The following DTNBP1 variants were observed in gnomAD, a reference collection of about 807,000 sequenced individuals.
DTNBP1 encodes the protein dystrobrevin binding protein 1.
A neutral mutation model predicts 42.8 loss-of-function variants in DTNBP1; 35 were observed. That is an observed-to-expected ratio of 0.82 (90% CI 0.63 to 1.09). The LOEUF is 1.09. DTNBP1 is among the 50% of genes least tolerant of loss of function. The probability of loss-of-function intolerance (pLI) is 0.00; values close to 1 mark genes in which losing one functional copy is unlikely to be tolerated. For missense variants in DTNBP1, 457 were observed against 424.2 expected, an observed-to-expected ratio of 1.08 and a Z score of -0.68; for synonymous variants, 171 against 162.2, an observed-to-expected ratio of 1.05 and a Z score of -0.41.
chr6:15,654,665 G>GC (rs1761185638), intron 1 of DTNBP1, among the ~76,000 whole-genome samples: 1 of 151,508 alleles, frequency 6.6e-6, no homozygotes, highest in South Asian at 2.1e-4. Context: ...AAATGAAAGG[G>GC]AAAAAAGGAG....
At chr6:15,606,037 T>A (rs2113670413) in intron 6 of DTNBP1, among the ~76,000 whole-genome samples, 1 of 152,384 alleles carries the variant, frequency 6.6e-6, no homozygotes, top group East Asian at 1.9e-4. Context: ...GGCACTTTTC[T>A]CAGATAACTA....
At chr6:15,657,699 T>C (rs951256667) in intron 1 of DTNBP1, among the ~76,000 whole-genome samples, 8 of 152,258 alleles carry the variant, frequency 5.3e-5, no homozygotes, top group African/African-American at 1.9e-4. Context: ...AGGATCTTAC[T>C]TGCTATCTGG....
Position 15,523,742 on chromosome 6 carries a change from G to A in DTNBP1, c.812-523C>T, listed in dbSNP as rs185310409. On this transcript the variant is annotated intron_variant, in intron 9 of 9. Transcript: ENST00000344537. The stretch of plus-strand genomic sequence containing the variant: ...CCCCTGACTCTGGGTGAGGGTTCAC[G>A]CTGGTCTCCAGTATTCTGGCCTTCT... 1.2e-5 allele frequency: 16 copies of A among 1,287,198 alleles called. No homozygotes were observed. In the Admixed American group the frequency reaches 1.8e-4, roughly 15 times the overall value. 79.7% of individuals were successfully genotyped at this position (1,287,198 alleles called of 1,614,324 possible).
chr6:15,592,365 A>G lies in DTNBP1; in HGVS notation c.511+694T>C, dbSNP rs536065279. Among the ~76,000 whole-genome samples the G allele has an allele frequency of 2.4e-3, 373 of 152,334 alleles. 2 individuals carry two copies. Among genetic ancestry groups the G allele is most frequent in the African/African-American group, 8.5e-3 (354 of 41,566 alleles). The stretch of plus-strand genomic sequence containing the variant: ...TAGGATTTCTACTACTTAATTGCTC[A>G]TGAGTAATTAATTGAAAAATGGGAA... On this transcript the variant is annotated intron_variant, in intron 7 of 9. Transcript: ENST00000344537.
chr6:15,556,556 A>C (rs775053712), intron 7 of DTNBP1, among the ~76,000 whole-genome samples: 1 of 152,208 alleles, frequency 6.6e-6, no homozygotes, highest in Non-Finnish European at 1.5e-5. Context: ...GTACAGAAGC[A>C]CATGGGACAT....
At chr6:15,639,218 T>C (rs1169051361) in intron 3 of DTNBP1, among the ~76,000 whole-genome samples, 1 of 152,242 alleles carries the variant, frequency 6.6e-6, no homozygotes, top group Non-Finnish European at 1.5e-5. Context: ...GTTTGATCAT[T>C]GTACTGTGGT....
intron 8 of DTNBP1, among the ~76,000 whole-genome samples, chr6:15,527,844 C>T (rs1018312590): frequency 2.0e-5 from 3 of 152,292 alleles, no homozygotes; most frequent in Middle Eastern, 3.4e-3. Flanking sequence ...CAACGTTATG[C>T]TGACATATCT....
chr6:15,637,139 T>A (rs1435290075), intron 4 of DTNBP1, among the ~76,000 whole-genome samples: 1 of 152,164 alleles, frequency 6.6e-6, no homozygotes, highest in Non-Finnish European at 1.5e-5. Flanking sequence ...AAGTCAGAAT[T>A]ACAGAAATCA....
intron 7 of DTNBP1, chr6:15,585,673 C>A: frequency 6.5e-7 from 1 of 1,528,786 alleles, no homozygotes; most frequent in Non-Finnish European, 8.8e-7. Context: ...ATAAACATTT[C>A]AAAGGAAAGC....
intron 1 of DTNBP1, 51 bp downstream of exon 1, chr6:15,662,763 G>A (rs1384100435): frequency 1.9e-6 from 3 of 1,609,338 alleles, no homozygotes; most frequent in Non-Finnish European, 2.5e-6. Flanking sequence ...GGCATCCCAG[G>A]CGGCGGCCCG....
At chr6:15,551,129 G>A (rs976421546) in intron 7 of DTNBP1, among the ~76,000 whole-genome samples, 2 of 152,052 alleles carry the variant, frequency 1.3e-5, no homozygotes, top group African/African-American at 4.8e-5. Context: ...TAGATGAAGG[G>A]GTAAATGAGC....
At chr6:15,651,222 T>C in intron 3 of DTNBP1, 91 bp downstream of exon 3, 1 of 1,219,914 alleles carries the variant, frequency 8.2e-7, no homozygotes, top group South Asian at 1.3e-5. Flanking sequence ...AATTTAGCTG[T>C]TTTAAGGCTT....
intron 3 of DTNBP1, among the ~76,000 whole-genome samples, chr6:15,638,196 C>T (rs751047367): frequency 6.6e-6 from 1 of 151,752 alleles, no homozygotes; most frequent in Non-Finnish European, 1.5e-5. Flanking sequence ...GGTGCGATCT[C>T]GACTCACTGC....
chr6:15,558,185 C>T (rs1774632512), intron 7 of DTNBP1, among the ~76,000 whole-genome samples: 1 of 151,828 alleles, frequency 6.6e-6, no homozygotes, highest in Admixed American at 6.6e-5. Context: ...TTATGGCTGC[C>T]CAAAGACATT....
At chr6:15,572,851 C>G (rs1018766472) in intron 7 of DTNBP1, among the ~76,000 whole-genome samples, 8 of 152,268 alleles carry the variant, frequency 5.3e-5, no homozygotes, top group African/African-American at 1.9e-4. Flanking sequence ...CCCACCTCAG[C>G]CTCTGGAGGA....
intron 4 of DTNBP1, among the ~76,000 whole-genome samples, chr6:15,633,845 A>T (rs1015218834): frequency 2.6e-5 from 4 of 152,216 alleles, no homozygotes; most frequent in Non-Finnish European, 4.4e-5. Context: ...TGATTCACTG[A>T]AGGCTCAGGC....
chr6:15,533,173 A>G (rs1208807709), intron 8 of DTNBP1, 67 bp downstream of exon 8: 4 of 1,602,960 alleles, frequency 2.5e-6, no homozygotes, highest in African/African-American at 2.7e-5. Flanking sequence ...TGCTCTGGGG[A>G]GAGGGGTCCA....
At chr6:15,556,561 G>C (rs1348148649) in intron 7 of DTNBP1, among the ~76,000 whole-genome samples, 1 of 152,166 alleles carries the variant, frequency 6.6e-6, no homozygotes, top group East Asian at 1.9e-4. Context: ...GAAGCACATG[G>C]GACATGGGGA....
chr6:15,590,838 T>A (rs1776269804), intron 7 of DTNBP1, among the ~76,000 whole-genome samples: 1 of 152,218 alleles, frequency 6.6e-6, no homozygotes, highest in Admixed American at 6.5e-5. Flanking sequence ...ATGATATTAA[T>A]CTACATTACT....
Sources: gnomAD v4.1 joint callset for allele counts (sites outside exome capture counted in the v4.1 genomes callset) on GRCh38, gnomAD v4.1.1 for gene constraint, MANE v1.5 for transcripts, NCBI Gene and HGNC (gene_info 2026-07-23, HGNC 2026-07-21) for gene names.